Variants in PCLO observed in about 807,000 individuals in gnomAD.
The protein encoded by PCLO is protein piccolo.
PCLO carries 82 observed loss-of-function variants against 427.5 expected under a neutral mutation model. The ratio of observed to expected loss-of-function variants is 0.19; its 90% CI spans 0.16 to 0.23. The LOEUF (loss-of-function observed/expected upper bound fraction) is 0.23. Ranked by LOEUF, PCLO falls within the 10% of genes least tolerant of loss-of-function variation. PCLO has a pLI of 1.00. For synonymous variants in PCLO, 2,357 were observed against 2,155.4 expected (o/e 1.09, Z -2.59); for missense variants, 6,239 against 6,115.9 (o/e 1.02, Z -0.67).
Position 83,155,406 on chromosome 7 carries a change from G to C in PCLO, c.1235C>G (p.Thr412Ser), listed in dbSNP as rs751022912. 1 of 1,613,914 alleles carries C rather than the reference G, an allele frequency of 6.2e-7. No homozygotes were observed. The highest frequency in any genetic ancestry group is 8.5e-7 in the Non-Finnish European group (1 of 1,179,884). Residue 412 changes from threonine to serine, a missense_variant, in exon 2 of 25, where the codon ACC becomes AGC. Around this residue, in one of 5 missense-constraint regions of PCLO, gnomAD observed 4,677 missense variants for 4,468.4 expected, o/e 1.05. Coordinates refer to ENST00000333891, the MANE Select transcript of PCLO (RefSeq NM_033026.6). ...GGGTTTTGGTGTCCCCACCTGCTGGGTTGGAGGCTTTGCTGGCCCTGGCTG... is the reference window on the plus strand; with the variant it reads ...GGGTTTTGGTGTCCCCACCTGCTGGCTTGGAGGCTTTGCTGGCCCTGGCTG... ...AQQPGPAKPP[T>S]QQVGTPKPLA...
At chr7:82,825,409 C>T (rs1297361180) in intron 18 of PCLO, among the ~76,000 whole-genome samples, 1 of 151,872 alleles carries the variant, frequency 6.6e-6, no homozygotes, top group Non-Finnish European at 1.5e-5. Context: ...GTGGCTAGAG[C>T]TGGATGGAAC....
chr7:82,767,644 T>C (rs938290234), intron 22 of PCLO, among the ~76,000 whole-genome samples: 2 of 152,062 alleles, frequency 1.3e-5, no homozygotes, highest in Non-Finnish European at 2.9e-5. Flanking sequence ...ATGATACATA[T>C]AATCTTTTCT....
intron 3 of PCLO, among the ~76,000 whole-genome samples, chr7:83,131,670 G>A (rs1392737124): frequency 6.6e-6 from 1 of 152,032 alleles, no homozygotes; most frequent in Non-Finnish European, 1.5e-5. Context: ...CCTAAAATCT[G>A]AGTATTTTCA....
intron 21 of PCLO, among the ~76,000 whole-genome samples, chr7:82,802,525 C>T (rs1294873059): frequency 2.6e-5 from 4 of 151,992 alleles, no homozygotes; most frequent in South Asian, 2.1e-4. Flanking sequence ...CTTATTTCTT[C>T]GGCTAGAGAA....
intron 8 of PCLO, among the ~76,000 whole-genome samples, chr7:82,905,423 T>G (rs1224310240): frequency 2.0e-5 from 3 of 151,938 alleles, no homozygotes; most frequent in Non-Finnish European, 4.4e-5. Flanking sequence ...ATACTACACA[T>G]TCTAGATGCA....
At chr7:82,818,363 A>C (rs1791719422) in intron 20 of PCLO, among the ~76,000 whole-genome samples, 1 of 152,158 alleles carries the variant, frequency 6.6e-6, no homozygotes, top group South Asian at 2.1e-4. Flanking sequence ...TCTTGATAGA[A>C]ATGCCTACAG....
chr7:82,782,226 T>TGGGG (rs1790887761), intron 22 of PCLO, among the ~76,000 whole-genome samples: 1 of 152,290 alleles, frequency 6.6e-6, no homozygotes, highest in East Asian at 1.9e-4. Flanking sequence ...CTGGTATCTG[T>TGGGG]AATTTGGTGT....
chr7:82,958,275 C>CTCCT lies in PCLO; in HGVS notation c.4018-1344_4018-1341dup, dbSNP rs536870553. On this transcript the variant is annotated intron_variant, in intron 4 of 24. Coordinates refer to ENST00000333891, the MANE Select transcript of PCLO (RefSeq NM_033026.6). Reference sequence around the variant, plus strand: ...GATGTACGGTTGCACAACAAACATACTCCTTCCTTCCTTCCTTCCTCCTTC... The same window carrying CTCCT: ...GATGTACGGTTGCACAACAAACATACTCCTTCCTTCCTTCCTTCCTTCCTCCTTC... 3.4e-3 allele frequency among the ~76,000 whole-genome samples: 520 copies of CTCCT among 151,190 alleles called. 4 individuals are homozygous for CTCCT. Among genetic ancestry groups the CTCCT allele is most frequent in the Non-Finnish European group, 5.5e-3 (371 of 67,774 alleles).
intron 10 of PCLO, among the ~76,000 whole-genome samples, chr7:82,858,772 C>A (rs770386384): frequency 6.6e-6 from 1 of 152,112 alleles, no homozygotes; most frequent in Middle Eastern, 3.4e-3. Context: ...GGTGAAAAAT[C>A]TATGCACTGA....
At chr7:83,068,070 A>T (rs1408712647) in intron 3 of PCLO, among the ~76,000 whole-genome samples, 1 of 152,206 alleles carries the variant, frequency 6.6e-6, no homozygotes. Flanking sequence ...AATATATAAA[A>T]GTCAAAATTT....
chr7:83,026,862 A>G (rs2116103133), intron 3 of PCLO, among the ~76,000 whole-genome samples: 1 of 146,972 alleles, frequency 6.8e-6, no homozygotes, highest in African/African-American at 2.5e-5. Context: ...ACTACTGGGT[A>G]CATAACGAAA....
At chr7:82,922,777 C>G (rs1478593489) in intron 6 of PCLO, among the ~76,000 whole-genome samples, 1 of 151,930 alleles carries the variant, frequency 6.6e-6, no homozygotes, top group Non-Finnish European at 1.5e-5. Context: ...TCATCTTTTG[C>G]TAAATAGTTC....
chr7:83,024,535 G>A (rs1167140688), intron 3 of PCLO, among the ~76,000 whole-genome samples: 1 of 152,036 alleles, frequency 6.6e-6, no homozygotes, highest in African/African-American at 2.4e-5. Flanking sequence ...GGGGAGGGGC[G>A]CCCGCCATTG....
chr7:82,791,856 T>C (rs1791108661), intron 22 of PCLO, among the ~76,000 whole-genome samples: 1 of 152,034 alleles, frequency 6.6e-6, no homozygotes, highest in African/African-American at 2.4e-5. Context: ...AAAATTTTCA[T>C]TAAAGTAATA....
intron 3 of PCLO, among the ~76,000 whole-genome samples, chr7:83,101,511 T>C (rs1052983596): frequency 6.6e-6 from 1 of 152,078 alleles, no homozygotes; most frequent in Non-Finnish European, 1.5e-5. Context: ...TAGAAAAATA[T>C]GATCATAGAA....
At chr7:82,810,259 C>G (rs1791541573) in intron 20 of PCLO, among the ~76,000 whole-genome samples, 1 of 151,490 alleles carries the variant, frequency 6.6e-6, no homozygotes, top group East Asian at 1.9e-4. Context: ...TTTATTCTTC[C>G]AACTCTTTTA....
chr7:82,896,485 G>A (rs1467276381), intron 9 of PCLO, among the ~76,000 whole-genome samples: 1 of 151,572 alleles, frequency 6.6e-6, no homozygotes, highest in East Asian at 1.9e-4. Context: ...GTTAGTTTTT[G>A]GATGAGGGAT....
intron 3 of PCLO, among the ~76,000 whole-genome samples, chr7:83,050,877 C>T (rs948515308): frequency 1.3e-5 from 2 of 152,028 alleles, no homozygotes; most frequent in African/African-American, 2.4e-5. Flanking sequence ...TGCACCACTG[C>T]ACTCCAGCCT....
intron 2 of PCLO, among the ~76,000 whole-genome samples, chr7:83,145,951 G>A (rs1791983897): frequency 6.6e-6 from 1 of 152,110 alleles, no homozygotes; most frequent in Admixed American, 6.5e-5. Context: ...AATTTATCAA[G>A]AGGGATGGCA....
Sources: allele counts gnomAD v4.1 joint callset (sites outside exome capture counted in the v4.1 genomes callset), GRCh38; gene constraint gnomAD v4.1.1; regional missense constraint gnomAD v4.1.1; transcripts MANE v1.5; gene names NCBI Gene and HGNC (gene_info 2026-07-23, HGNC 2026-07-21).